The following BRIP1 variants were observed in gnomAD, a reference collection of about 807,000 sequenced individuals.
BRIP1 encodes BRCA1 interacting DNA helicase 1, also known as Fanconi anemia group J protein.
In BRIP1, 88 loss-of-function variants were observed where a neutral mutation model predicts 119.7. The ratio of observed to expected loss-of-function variants is 0.74; its 90% CI spans 0.62 to 0.88. BRIP1 has a LOEUF of 0.88. BRIP1 is among the 40% of genes least tolerant of loss of function. The pLI, the probability that BRIP1 is intolerant of heterozygous loss-of-function variation, is 0.00. For synonymous variants in BRIP1, 443 were observed against 496.5 expected (o/e 0.89, Z 1.43); for missense variants, 1,259 against 1,455.4 (o/e 0.87, Z 2.20).
intron 10 of BRIP1, among the ~76,000 whole-genome samples, chr17:61,787,347 CATT>C (rs1412407546): frequency 2.1e-4 from 24 of 111,654 alleles, no homozygotes; most frequent in Non-Finnish European, 1.4e-4. Context: ...ATATATAAAA[CATT>C]ATATATTAAT....
chr17:61,733,803 A>G (rs1038777004), intron 16 of BRIP1, among the ~76,000 whole-genome samples: 2 of 152,126 alleles, frequency 1.3e-5, no homozygotes, highest in Admixed American at 6.6e-5. Flanking sequence ...TCAACATACT[A>G]TATTACCAAA....
At chr17:61,787,805 C>G (rs1166219098) in intron 10 of BRIP1, among the ~76,000 whole-genome samples, 1 of 152,018 alleles carries the variant, frequency 6.6e-6, no homozygotes, top group Admixed American at 6.6e-5. Flanking sequence ...CCACCACGCC[C>G]GGCTAATTTT....
chr17:61,702,063 C>A (rs2061622638), intron 17 of BRIP1, among the ~76,000 whole-genome samples: 1 of 152,188 alleles, frequency 6.6e-6, no homozygotes, highest in African/African-American at 2.4e-5. Flanking sequence ...TCCTAGAATG[C>A]TGTAACTTTT....
rs2061740891 is a variant in BRIP1, at chr17:61,709,472, C to T, written c.2492+6479G>A. On this transcript the variant is annotated intron_variant, in intron 17 of 19. Coordinates refer to ENST00000259008, the MANE Select transcript of BRIP1 (RefSeq NM_032043.3). This position sits in a 1 kb window ranked among gnomAD's most constrained non-coding sequence, Gnocchi z 5.0. ...TTAAAGTAACCTATAGGCTCCAAGG[C>T]AACAGACCATAACACTGGGAAGGAT... Among the ~76,000 whole-genome samples the T allele has an allele frequency of 6.6e-6, 1 of 151,992 alleles. No homozygotes were observed. The highest frequency in any genetic ancestry group is 2.4e-5 in the African/African-American group (1 of 41,400).
At position 61,780,400 on chromosome 17, in the gene BRIP1, GC is replaced by G; in HGVS notation, c.1795del (p.Ala599ProfsTer14). On this transcript the variant is annotated frameshift_variant and splice_region_variant, in exon 13 of 20. Coordinates refer to ENST00000259008, the MANE Select transcript of BRIP1 (RefSeq NM_032043.3). LOFTEE classifies it high-confidence loss of function. The surrounding 1 kb of genome is among the most constrained non-coding windows in gnomAD (Gnocchi z 5.4). Reference sequence around the variant, plus strand: ...AACTTTGCCATTAATATCTGAAAAGGCCTAAAAGAAAACAACATTAGATAAA... The same window carrying G: ...AACTTTGCCATTAATATCTGAAAAGGCTAAAAGAAAACAACATTAGATAAA... ...LNFWCLNPAV[A>X]FSDINGKVQT... 1 of 1,608,230 alleles carries G rather than the reference GC, an allele frequency of 6.2e-7. No individual in the cohort carries two copies. Among genetic ancestry groups the G allele is most frequent in the Non-Finnish European group, 8.5e-7 (1 of 1,174,878 alleles).
chr17:61,815,981 A>G lies in BRIP1; in HGVS notation c.628-7224T>C, dbSNP rs1007032393. The stretch of plus-strand genomic sequence containing the variant: ...ACTCTAGTAAGATAGCAAAAGTAAC[A>G]TAACTATACCTTTTCAACTATTCTT... On this transcript the variant is annotated intron_variant, in intron 6 of 19. Coordinates refer to ENST00000259008, the MANE Select transcript of BRIP1 (RefSeq NM_032043.3). This position sits in a 1 kb window ranked among gnomAD's most constrained non-coding sequence, Gnocchi z 4.1. 1.9e-4 allele frequency among the ~76,000 whole-genome samples: 29 copies of G among 152,244 alleles called. No homozygotes were observed. Among genetic ancestry groups the G allele is most frequent in the Admixed American group, 1.9e-3 (29 of 15,282 alleles).
At position 61,717,922 on chromosome 17, in the gene BRIP1, C is replaced by T. The variant is rs186941819; in HGVS notation, c.2380-1859G>A. Among the ~76,000 whole-genome samples the T allele has an allele frequency of 1.8e-4, 27 of 152,190 alleles. No individual in the cohort carries two copies. Among genetic ancestry groups the T allele is most frequent in the African/African-American group, 6.3e-4 (26 of 41,530 alleles). ...TCAAGTTCACCAAATTTTCCTTCTG[C>T]AGTGTCTAATCCATCCAGTGTATTT... On this transcript the variant is annotated intron_variant, in intron 16 of 19. Coordinates refer to ENST00000259008, the MANE Select transcript of BRIP1 (RefSeq NM_032043.3). The surrounding 1 kb of genome is among the most constrained non-coding windows in gnomAD (Gnocchi z 4.1).
Position 61,799,943 on chromosome 17 carries a change from G to A in BRIP1, c.1141-644C>T, listed in dbSNP as rs2077964661. On this transcript the variant is annotated intron_variant, in intron 8 of 19. Transcript: ENST00000259008. This position sits in a 1 kb window ranked among gnomAD's most constrained non-coding sequence, Gnocchi z 5.1. Reference sequence around the variant, plus strand: ...CTTTCACAATGGGGGTAAGGCCCAGGATTGTCAGTTAAATAGAGTATTCCA... The same window carrying A: ...CTTTCACAATGGGGGTAAGGCCCAGAATTGTCAGTTAAATAGAGTATTCCA... Among the ~76,000 whole-genome samples, 1 of 151,526 alleles carries A rather than the reference G, an allele frequency of 6.6e-6. No homozygotes were observed. Among genetic ancestry groups the A allele is most frequent in the Admixed American group, 6.6e-5 (1 of 15,244 alleles).
At chr17:61,694,365 A>G (rs1373015160) in intron 17 of BRIP1, among the ~76,000 whole-genome samples, 1 of 152,142 alleles carries the variant, frequency 6.6e-6, no homozygotes, top group East Asian at 1.9e-4. Context: ...TGTATCTGGC[A>G]TATTTCACTG....
At position 61,730,557 on chromosome 17, in the gene BRIP1, T is replaced by C. The variant is rs1210207040; in HGVS notation, c.2379+12456A>G. Among the ~76,000 whole-genome samples, 1 of 152,168 alleles carries C rather than the reference T, an allele frequency of 6.6e-6. No homozygotes were observed. Among genetic ancestry groups the C allele is most frequent in the Non-Finnish European group, 1.5e-5 (1 of 68,026 alleles). On this transcript the variant is annotated intron_variant, in intron 16 of 19. Coordinates refer to ENST00000259008, the MANE Select transcript of BRIP1 (RefSeq NM_032043.3). The surrounding 1 kb of genome is among the most constrained non-coding windows in gnomAD (Gnocchi z 4.3). ...ACCTAGTTTGAGAGCAAAATTAATA[T>C]ATAAAGGTCAAAGTTCCTTTTCTCA...
chr17:61,855,104 G>A (rs958769592), intron 4 of BRIP1, among the ~76,000 whole-genome samples: 1 of 152,146 alleles, frequency 6.6e-6, no homozygotes, highest in Non-Finnish European at 1.5e-5. Context: ...GTGGTTGGTT[G>A]GGGAGGTGAG....
In BRIP1 at chr17:61,861,479, C is replaced by T; in HGVS notation, c.61G>A (p.Ala21Thr). ...GGVKIYFPYK[A>T]YPSQLAMMNS... ...ATCATAGCAAGCTGTGACGGGTAAG[C>T]TTTATAAGGAAAGTAAATCTTCACC... The change falls in exon 2 of 20, where the codon GCT becomes ACT. Residue 21 changes from alanine to threonine, a missense_variant. Transcript: ENST00000259008. This position sits in a 1 kb window ranked among gnomAD's most constrained non-coding sequence, Gnocchi z 4.5. 6.2e-7 allele frequency: 1 copy of T among 1,613,332 alleles called. No individual in the cohort carries two copies. The highest frequency in any genetic ancestry group is 8.5e-7 in the Non-Finnish European group (1 of 1,179,460).
At chr17:61,688,085 G>C (rs1247444693) in intron 18 of BRIP1, among the ~76,000 whole-genome samples, 1 of 152,150 alleles carries the variant, frequency 6.6e-6, no homozygotes, top group Non-Finnish European at 1.5e-5. Context: ...CCAACATCTT[G>C]GCTTTTCAAG....
At position 61,784,444 on chromosome 17, in the gene BRIP1, T is replaced by G. The variant is rs1462969643; in HGVS notation, c.1474-20A>C. The G allele has an allele frequency of 6.2e-7, 1 of 1,605,530 alleles. No homozygotes were observed. The highest frequency in any genetic ancestry group is 1.3e-5 in the African/African-American group (1 of 74,738). ...ATGTCCCTATAAGAAATTACCATATTAAGTATAGAGGGGTTGGGAGGGAAT... is the reference window on the plus strand; with the variant it reads ...ATGTCCCTATAAGAAATTACCATATGAAGTATAGAGGGGTTGGGAGGGAAT... On this transcript the variant is annotated intron_variant, in intron 10 of 19. Coordinates refer to ENST00000259008, the MANE Select transcript of BRIP1 (RefSeq NM_032043.3).
chr17:61,714,424 T>C (rs546872396), intron 17 of BRIP1, among the ~76,000 whole-genome samples: 8 of 152,322 alleles, frequency 5.3e-5, no homozygotes, highest in Admixed American at 1.3e-4. Context: ...TACACTTATA[T>C]ACTCAATTAC....
chr17:61,725,122 A>T lies in BRIP1; in HGVS notation c.2380-9059T>A, dbSNP rs1009213036. Among the ~76,000 whole-genome samples the T allele has an allele frequency of 2.0e-5, 3 of 151,272 alleles. No homozygotes were observed. The highest frequency in any genetic ancestry group is 4.9e-5 in the African/African-American group (2 of 41,194). ...AGATTTCTGACACAGTTAACCAAAT[A>T]GTGTGTGTGTGTGTGTGTGTGTGTA... On this transcript the variant is annotated intron_variant, in intron 16 of 19. Transcript: ENST00000259008. The surrounding 1 kb of genome is among the most constrained non-coding windows in gnomAD (Gnocchi z 5.3).
rs886053217 is a variant in BRIP1 at position 61,863,482 on chromosome 17, G to C, written c.-229C>G. ...ACTGGGGCCGCCGTTACCTTTCCTC[G>C]ACCCACCAGACCCCTCAACCACACA... is the stretch of plus-strand genomic sequence containing the variant. On this transcript the variant is annotated 5_prime_UTR_variant, in exon 1 of 20. Transcript: ENST00000259008. 3.3e-5 allele frequency: 5 copies of C among 151,490 alleles called. No individual in the cohort carries two copies. The allele number at this position is 151,490 out of a possible 1,614,324, so 9.4% of individuals were successfully genotyped here.
Position 61,681,527 on chromosome 17 carries a change from ATTCGT to A in BRIP1, c.*1764_*1768del, listed in dbSNP as rs2061270639. On this transcript the variant is annotated 3_prime_UTR_variant, in exon 20 of 20. Coordinates refer to ENST00000259008, the MANE Select transcript of BRIP1 (RefSeq NM_032043.3). This position sits in a 1 kb window ranked among gnomAD's most constrained non-coding sequence, Gnocchi z 5.1. ...GTCTCTTGTCTTCTACCAGGTATTT[ATTCGT>A]TTCACTACCCTACTATCCCTATCTG... The A allele has an allele frequency of 4.8e-6, 1 of 207,872 alleles. No homozygotes were observed. Among genetic ancestry groups the A allele is most frequent in the Non-Finnish European group, 9.8e-6 (1 of 101,794 alleles). 12.9% of individuals were successfully genotyped at this position (207,872 alleles called of 1,614,324 possible).
In BRIP1 at chr17:61,828,659, C is replaced by T. The variant is rs1015209812; in HGVS notation, c.627+18442G>A. ...AAGCTAATAGAAAAGTTACACAATA[C>T]AGAAACTTGGACCTACAAAATGAAG... On this transcript the variant is annotated intron_variant, in intron 6 of 19. Transcript: ENST00000259008. The surrounding 1 kb of genome is among the most constrained non-coding windows in gnomAD (Gnocchi z 4.1). 6.6e-6 allele frequency among the ~76,000 whole-genome samples: 1 copy of T among 152,000 alleles called. No homozygotes were observed. The highest frequency in any genetic ancestry group is 2.4e-5 in the African/African-American group (1 of 41,406).
Sources: allele counts gnomAD v4.1 joint callset (sites outside exome capture counted in the v4.1 genomes callset), GRCh38; gene constraint gnomAD v4.1.1; non-coding constraint Gnocchi (gnomAD v3.1); transcripts MANE v1.5; gene names NCBI Gene and HGNC (gene_info 2026-07-23, HGNC 2026-07-21).